The following FNDC7 variants were observed in gnomAD, a reference collection of about 807,000 sequenced individuals.
The protein encoded by FNDC7 is fibronectin type III domain containing 7, also known as fibronectin type III domain-containing protein 7.
FNDC7 carries 66 observed loss-of-function variants against 74.2 expected under a neutral mutation model. The observed-to-expected ratio is 0.89, with a 90% CI of 0.73 to 1.09. FNDC7 has a LOEUF of 1.09. FNDC7 is among the 50% of genes least tolerant of loss of function. FNDC7 has a pLI of 0.00. For synonymous variants in FNDC7, 307 were observed against 330.2 expected, an observed-to-expected ratio of 0.93 and a Z score of 0.76; for missense variants, 829 against 893.4, an observed-to-expected ratio of 0.93 and a Z score of 0.92.
chr1:108,742,724 A>G lies in FNDC7; in HGVS notation c.*837A>G, dbSNP rs956628660. ...TTGGAGGGGGAAGGCAATGAAATATAACATAAATCTCTCATACCTAAAAAA... is the reference window on the plus strand; with the variant it reads ...TTGGAGGGGGAAGGCAATGAAATATGACATAAATCTCTCATACCTAAAAAA... On this transcript the variant is annotated 3_prime_UTR_variant, in exon 13 of 13. Coordinates refer to ENST00000370017, the MANE Select transcript of FNDC7 (RefSeq NM_001144937.3). The G allele has an allele frequency of 6.6e-6, 1 of 152,220 alleles. No homozygotes were observed. Among genetic ancestry groups the G allele is most frequent in the African/African-American group, 2.4e-5 (1 of 41,444 alleles). 9.4% of individuals were successfully genotyped at this position (152,220 alleles called of 1,614,324 possible). A position where few individuals can be genotyped will look rare whatever the true frequency, so the allele number is the denominator to read the frequency against.
intron 11 of FNDC7, among the ~76,000 whole-genome samples, chr1:108,741,199 G>A (rs542407866): frequency 2.6e-5 from 4 of 152,204 alleles, no homozygotes; most frequent in Admixed American, 2.6e-4. Context: ...GATGCAAGTT[G>A]GAAGGGAAAG....
intron 2 of FNDC7, among the ~76,000 whole-genome samples, chr1:108,714,962 A>G (rs773471891): frequency 1.3e-5 from 2 of 152,066 alleles, no homozygotes; most frequent in Admixed American, 6.6e-5. Context: ...GTCCTAGCAC[A>G]CCCAGGACAG....
At chr1:108,732,810 C>T (rs1661421878) in intron 9 of FNDC7, among the ~76,000 whole-genome samples, 1 of 151,892 alleles carries the variant, frequency 6.6e-6, no homozygotes, top group South Asian at 2.1e-4. Context: ...CGCTCTGTCA[C>T]CTAGGCTGGA....
At chr1:108,713,681 G>T (rs1660919203) in intron 2 of FNDC7, among the ~76,000 whole-genome samples, 152 bp downstream of exon 2, 1 of 152,144 alleles carries the variant, frequency 6.6e-6, no homozygotes. Context: ...GCACTCTATT[G>T]GGTCCTGGGG....
At chr1:108,724,771 T>G (rs1661171534) in intron 5 of FNDC7, among the ~76,000 whole-genome samples, 1 of 149,090 alleles carries the variant, frequency 6.7e-6, no homozygotes, top group Non-Finnish European at 1.5e-5. Flanking sequence ...AAAAAATTAA[T>G]TAATTAATTA....
At chr1:108,717,457 C>G (rs1037134109) in intron 2 of FNDC7, among the ~76,000 whole-genome samples, 4 of 152,190 alleles carry the variant, frequency 2.6e-5, no homozygotes, top group African/African-American at 9.6e-5. Flanking sequence ...TATTCTCTCT[C>G]TCTTCCCAGA....
At chr1:108,715,915 C>G (rs879754238) in intron 2 of FNDC7, among the ~76,000 whole-genome samples, 1 of 152,158 alleles carries the variant, frequency 6.6e-6, no homozygotes, top group Admixed American at 6.5e-5. Flanking sequence ...AATCCAAACC[C>G]TTTGCTATTT....
chr1:108,726,139 C>T, intron 6 of FNDC7, 135 bp downstream of exon 6: 1 of 1,155,882 alleles, frequency 8.7e-7, no homozygotes, highest in Non-Finnish European at 1.2e-6. Flanking sequence ...AATCTCTTAT[C>T]TCACATTCTT....
At chr1:108,736,792 T>A (rs1057364374) in intron 10 of FNDC7, among the ~76,000 whole-genome samples, 1 of 152,120 alleles carries the variant, frequency 6.6e-6, no homozygotes, top group Non-Finnish European at 1.5e-5. Flanking sequence ...TGGGAGATGT[T>A]TTTTGGTTTT....
rs1404629259 is a variant in FNDC7, at chr1:108,718,948, C to T, written c.497C>T (p.Thr166Ile). 1.9e-6 allele frequency: 3 copies of T among 1,551,810 alleles called. No homozygotes were observed. Among genetic ancestry groups the T allele is most frequent in the Non-Finnish European group, 1.7e-6 (2 of 1,147,028 alleles). ...GAGAATACTACAAACACCTCCTTGA[C>T]ATTCACCAGTTTAGAAGCCGGAACT... ...WKENTTNTSL[T>I]FTSLEAGTLY... Residue 166 changes from threonine (T) to isoleucine (I), a missense_variant, in exon 4 of 13, where the codon ACA (threonine) becomes ATA (isoleucine). By Grantham distance (89) the Thr-to-Ile change is moderately conservative (BLOSUM62 -1). Coordinates refer to ENST00000370017, the MANE Select transcript of FNDC7 (RefSeq NM_001144937.3).
chr1:108,735,832 G>T (rs562241371), intron 10 of FNDC7, among the ~76,000 whole-genome samples: 2 of 152,044 alleles, frequency 1.3e-5, no homozygotes, highest in East Asian at 1.9e-4. Flanking sequence ...TTGAGAAAGG[G>T]TCTTGCTTTT....
Position 108,715,669 on chromosome 1 carries a change from G to GCACACA in FNDC7, c.83-2107_83-2106insACACAC, listed in dbSNP as rs113717600. On this transcript the variant is annotated intron_variant, in intron 2 of 12. Coordinates refer to ENST00000370017, the MANE Select transcript of FNDC7 (RefSeq NM_001144937.3). ...CACAAACATGCGCGTGCGTGCGCGC[G>GCACACA]CGCACACACACACACACACACACTT... Among the ~76,000 whole-genome samples, 472 of 135,932 alleles carry GCACACA rather than the reference G, an allele frequency of 3.5e-3. 1 individual carries two copies. The highest frequency in any genetic ancestry group is 0.011 in the African/African-American group (444 of 38,724). 89.2% of individuals were successfully genotyped at this position (135,932 alleles called of 152,430 possible).
chr1:108,738,375 A>G (rs1661563914), intron 11 of FNDC7, among the ~76,000 whole-genome samples: 1 of 152,044 alleles, frequency 6.6e-6, no homozygotes. Context: ...AGGGCAGTGG[A>G]GATGAGCAAA....
intron 7 of FNDC7, 77 bp downstream of exon 7, chr1:108,728,142 G>A: frequency 3.3e-6 from 5 of 1,520,292 alleles, no homozygotes; most frequent in Non-Finnish European, 4.5e-6. Flanking sequence ...TGGGCATTCA[G>A]TGAGACCAAT....
At chr1:108,727,368 A>G (rs1026403893) in intron 6 of FNDC7, among the ~76,000 whole-genome samples, 1 of 152,102 alleles carries the variant, frequency 6.6e-6, no homozygotes, top group African/African-American at 2.4e-5. Context: ...AACTACTTAT[A>G]TAACTGTGAG....
At chr1:108,732,688 TTC>T (rs749360107) in intron 9 of FNDC7, among the ~76,000 whole-genome samples, 2 of 151,612 alleles carry the variant, frequency 1.3e-5, no homozygotes, top group East Asian at 3.9e-4. Flanking sequence ...ACACATGGAT[TTC>T]TCTCTCTCTC....
chr1:108,719,078 A>G (rs1338849616), intron 4 of FNDC7, 29 bp downstream of exon 4: 2 of 1,549,796 alleles, frequency 1.3e-6, no homozygotes, highest in Non-Finnish European at 1.7e-6. Flanking sequence ...AGCCTCGAAC[A>G]ATTCTACTTT....
chr1:108,725,246 A>G (rs1277591825), intron 5 of FNDC7, among the ~76,000 whole-genome samples: 1 of 152,190 alleles, frequency 6.6e-6, no homozygotes, highest in East Asian at 1.9e-4. Context: ...TATAAGCCTC[A>G]GTTTCCTCAA....
intron 11 of FNDC7, among the ~76,000 whole-genome samples, chr1:108,740,218 G>A (rs1291019411): frequency 6.6e-6 from 1 of 151,656 alleles, no homozygotes; most frequent in Admixed American, 6.6e-5. Flanking sequence ...GGCTGACATT[G>A]GAGCCTCTGG....
Sources: gnomAD v4.1 joint callset for allele counts (sites outside exome capture counted in the v4.1 genomes callset) on GRCh38, gnomAD v4.1.1 for gene constraint, MANE v1.5 for transcripts, NCBI Gene and HGNC (gene_info 2026-07-23, HGNC 2026-07-21) for gene names.